Variants in PSD3 observed in about 807,000 individuals in gnomAD.
The protein encoded by PSD3 is PH and SEC7 domain-containing protein 3.
PSD3 carries 49 observed loss-of-function variants against 105.5 expected under a neutral mutation model. The observed-to-expected ratio is 0.46, with a 90% confidence interval of 0.37 to 0.59. PSD3 has a LOEUF of 0.59. Ranked by LOEUF, PSD3 falls within the 20% of genes least tolerant of loss-of-function variation. The pLI is 0.00. For synonymous variants in PSD3, 557 were observed against 457.8 expected, an observed-to-expected ratio of 1.22 and a Z score of -2.77; for missense variants, 1,561 against 1,263.8, an observed-to-expected ratio of 1.24 and a Z score of -3.57.
chr8:18,699,764 T>C (rs1225201505), intron 9 of PSD3, among the ~76,000 whole-genome samples: 1 of 152,082 alleles, frequency 6.6e-6, no homozygotes, highest in Admixed American at 6.6e-5. Flanking sequence ...GTGGTCACAC[T>C]GGGAGAATGA....
In PSD3 at chr8:18,975,238, G is replaced by C. The variant is rs137936523; in HGVS notation, c.21+38325C>G. Among the ~76,000 whole-genome samples, 394 of 151,748 alleles carry C rather than the reference G, an allele frequency of 2.6e-3. 2 individuals are homozygous for C. Among genetic ancestry groups the C allele is most frequent in the African/African-American group, 9.1e-3 (376 of 41,344 alleles). ...ATATATCAGGGTACTTAATAAAATA[G>C]TTGCAGAAAAATAAAAATAAAAGAA... On this transcript the variant is annotated intron_variant, in intron 1 of 15. Transcript: ENST00000327040.
In PSD3 at chr8:18,867,966, T is replaced by C. The variant is rs773882805; in HGVS notation, c.1342A>G (p.Ile448Val). Reference protein sequence around the residue: ...TDVYSSQFETILDNTSLYYSA... With the variant: ...TDVYSSQFETVLDNTSLYYSA... ...TAGTATAAAGAAGTGTTGTCCAAAA[T>C]GGTTTCAAACTGGGAGCTGTACACG... The change falls in exon 4 of 16, where the codon ATT becomes GTT. Residue 448 changes from isoleucine to valine, a missense_variant. Ile to Val is a conservative substitution (Grantham distance 29, BLOSUM62 3). Coordinates refer to ENST00000327040, the MANE Select transcript of PSD3 (RefSeq NM_015310.4). 3 of 1,614,178 alleles carry C rather than the reference T, an allele frequency of 1.9e-6. No homozygotes were observed. Among genetic ancestry groups the C allele is most frequent in the Non-Finnish European group, 2.5e-6 (3 of 1,180,026 alleles).
chr8:18,614,470 G>C lies in PSD3; in HGVS notation c.2411-14036C>G, dbSNP rs182916467. On this transcript the variant is annotated intron_variant, in intron 11 of 15. Transcript: ENST00000327040. The stretch of plus-strand genomic sequence containing the variant: ...AAACGCAGGATGCTTAAAGAGAAAA[G>C]AGGAGGTAGAATAAAACTGTGGTCG... Among the ~76,000 whole-genome samples, 1,279 of 151,108 alleles carry C rather than the reference G, an allele frequency of 8.5e-3. 17 individuals carry two copies. The highest frequency in any genetic ancestry group is 0.028 in the African/African-American group (1,163 of 41,200).
chr8:18,809,794 G>C (rs1235203824), intron 4 of PSD3, among the ~76,000 whole-genome samples: 7 of 151,956 alleles, frequency 4.6e-5, no homozygotes, highest in Admixed American at 4.6e-4. Flanking sequence ...TTTTTCTACA[G>C]TTTTATCAAG....
chr8:18,877,185 C>G (rs1446122173), intron 2 of PSD3, among the ~76,000 whole-genome samples: 1 of 152,170 alleles, frequency 6.6e-6, no homozygotes, highest in African/African-American at 2.4e-5. Flanking sequence ...TCCAAATTAT[C>G]CGTTTTTCCT....
intron 9 of PSD3, among the ~76,000 whole-genome samples, chr8:18,680,510 G>A (rs1800322728): frequency 6.6e-6 from 1 of 152,144 alleles, no homozygotes; most frequent in Non-Finnish European, 1.5e-5. Flanking sequence ...GAAGAGCTGA[G>A]CTCAGTCAGA....
At chr8:18,737,610 A>G (rs778143911) in intron 9 of PSD3, among the ~76,000 whole-genome samples, 1 of 152,036 alleles carries the variant, frequency 6.6e-6, no homozygotes, top group South Asian at 2.1e-4. Flanking sequence ...CCTCTATGCT[A>G]TTTTCAATAA....
chr8:18,762,728 T>C (rs1306743908), intron 9 of PSD3, among the ~76,000 whole-genome samples: 2 of 152,210 alleles, frequency 1.3e-5, no homozygotes, highest in Non-Finnish European at 2.9e-5. Context: ...ATCCCTTCAA[T>C]ACAGTATAAG....
intron 3 of PSD3, among the ~76,000 whole-genome samples, chr8:18,868,787 G>T (rs758878729): frequency 2.2e-4 from 34 of 152,250 alleles, no homozygotes; most frequent in Admixed American, 1.8e-3. Flanking sequence ...CGAACATTAG[G>T]ATAACTAAGT....
intron 10 of PSD3, among the ~76,000 whole-genome samples, chr8:18,638,742 T>C (rs1409025377): frequency 3.9e-5 from 6 of 152,096 alleles, no homozygotes; most frequent in African/African-American, 1.2e-4. Flanking sequence ...GAAAAAATAC[T>C]AAAATTTGTA....
chr8:18,671,925 C>G (rs146868999), intron 9 of PSD3, among the ~76,000 whole-genome samples: 2,514 of 152,224 alleles, frequency 0.017, 69 homozygotes, highest in African/African-American at 0.057. Flanking sequence ...GCCACTGCGC[C>G]GGGCCTGATT....
At chr8:18,733,353 A>G (rs1027786732) in intron 9 of PSD3, 1 of 152,268 alleles carries the variant, frequency 6.6e-6, no homozygotes, top group Non-Finnish European at 1.5e-5. Flanking sequence ...ACAGGTGAAA[A>G]AGGAAACTGA....
chr8:18,771,252 A>C (rs1397259004), intron 8 of PSD3, among the ~76,000 whole-genome samples: 1 of 152,160 alleles, frequency 6.6e-6, no homozygotes, highest in African/African-American at 2.4e-5. Context: ...GGGCCACCGC[A>C]TCAGGCTTTT....
chr8:18,622,350 C>G (rs890465505), intron 11 of PSD3, among the ~76,000 whole-genome samples: 1 of 152,114 alleles, frequency 6.6e-6, no homozygotes, highest in South Asian at 2.1e-4. Context: ...ATTACTTCTC[C>G]GAGTCGTTAA....
intron 2 of PSD3, among the ~76,000 whole-genome samples, chr8:18,927,937 G>A (rs976961189): frequency 6.6e-6 from 1 of 152,202 alleles, no homozygotes; most frequent in Admixed American, 6.5e-5. Context: ...AAACAATTTA[G>A]AAGTTCCTCA....
At position 18,935,341 on chromosome 8, in the gene PSD3, T is replaced by C. The variant is rs187211270; in HGVS notation, c.130+693A>G. ...TAAAGACTGCAGTGGCTGAAAATCA[T>C]TGTGGAAATGTTTCCTAATAATATA... On this transcript the variant is annotated intron_variant, in intron 2 of 15. Coordinates refer to ENST00000327040, the MANE Select transcript of PSD3 (RefSeq NM_015310.4). Among the ~76,000 whole-genome samples, 189 of 152,124 alleles carry C rather than the reference T, an allele frequency of 1.2e-3. 1 individual carries two copies. The highest frequency in any genetic ancestry group is 4.3e-3 in the African/African-American group (177 of 41,496).
chr8:18,804,594 A>T lies in PSD3; in HGVS notation c.1838T>A (p.Phe613Tyr). Residue 613 changes from phenylalanine to tyrosine, a missense_variant, in exon 6 of 16, where the codon TTT becomes TAT. Transcript: ENST00000327040. ...VAKHLGKNNEFSKLVAEEYLK... is the reference protein window; with the variant it reads ...VAKHLGKNNEYSKLVAEEYLK... ...ATATTCTTCTGCAACTAGTTTGCTA[A>T]ATTCGTTGCTATAAGAAAACAGAAT... is the stretch of plus-strand genomic sequence containing the variant. 1 of 1,613,362 alleles carries T rather than the reference A, an allele frequency of 6.2e-7. No homozygotes were observed. The highest frequency in any genetic ancestry group is 8.5e-7 in the Non-Finnish European group (1 of 1,179,334).
chr8:18,698,371 G>A (rs1801381703), intron 9 of PSD3, among the ~76,000 whole-genome samples: 2 of 152,034 alleles, frequency 1.3e-5, no homozygotes, highest in Non-Finnish European at 1.5e-5. Flanking sequence ...CTCCTGCCTT[G>A]GCCTCCCGAA....
intron 1 of PSD3, among the ~76,000 whole-genome samples, chr8:19,033,946 G>A (rs1289384234): frequency 6.6e-6 from 1 of 152,092 alleles, no homozygotes; most frequent in Non-Finnish European, 1.5e-5. Context: ...ACTGATAGAG[G>A]GGTTAAGCAA....
Sources: gnomAD v4.1 joint callset for allele counts (sites outside exome capture counted in the v4.1 genomes callset) on GRCh38, gnomAD v4.1.1 for gene constraint, MANE v1.5 for transcripts, NCBI Gene and HGNC (gene_info 2026-07-23, HGNC 2026-07-21) for gene names.